Variants in DPP6 observed in about 807,000 individuals in gnomAD.
DPP6 encodes A-type potassium channel modulatory protein DPP6.
In DPP6, 69 loss-of-function variants were observed where a neutral mutation model predicts 122.6. The ratio of observed to expected loss-of-function variants is 0.56; its 90% CI spans 0.46 to 0.69. The LOEUF (loss-of-function observed/expected upper bound fraction) is 0.69. DPP6 is among the 30% of genes least tolerant of loss of function. The pLI, the probability that DPP6 is intolerant of heterozygous loss-of-function variation, is 0.00. For missense variants in DPP6, 928 were observed against 1,116.9 expected (o/e 0.83, Z 2.41); for synonymous variants, 418 against 433.1 (o/e 0.97, Z 0.43).
In DPP6 at chr7:154,061,941, G is replaced by C. The variant is rs868014355; in HGVS notation, c.243+8878G>C. On this transcript the variant is annotated intron_variant, in intron 1 of 25. Transcript: ENST00000377770. ...TCTGAGGACCCCCATCGCAGGAGGG[G>C]GAGGCAACCCTGCGAGGGTGGGGAC... 1.4e-4 allele frequency among the ~76,000 whole-genome samples: 18 copies of C among 132,984 alleles called. 2 individuals carry two copies. The highest frequency in any genetic ancestry group is 2.3e-4 in the Admixed American group (3 of 13,272). 87.2% of individuals were successfully genotyped at this position (132,984 alleles called of 152,430 possible). A position where few individuals can be genotyped will look rare whatever the true frequency, so the allele number is the denominator to read the frequency against.
chr7:154,205,097 C>G (rs1799371085), intron 1 of DPP6, among the ~76,000 whole-genome samples: 1 of 152,020 alleles, frequency 6.6e-6, no homozygotes, highest in South Asian at 2.1e-4. Context: ...CTAAGTGCTT[C>G]TTCCTCCATT....
At chr7:154,633,131 A>G (rs1426422170) in intron 5 of DPP6, among the ~76,000 whole-genome samples, 2 of 152,088 alleles carry the variant, frequency 1.3e-5, no homozygotes, top group African/African-American at 4.8e-5. Flanking sequence ...AAAAAATGGC[A>G]CTCTTAGAAA....
At chr7:154,527,443 G>T (rs1827493341) in intron 3 of DPP6, among the ~76,000 whole-genome samples, 1 of 152,100 alleles carries the variant, frequency 6.6e-6, no homozygotes, top group Non-Finnish European at 1.5e-5. Flanking sequence ...AATATTTTAT[G>T]ACCATAATAT....
intron 1 of DPP6, among the ~76,000 whole-genome samples, chr7:154,254,038 A>C (rs1368334360): frequency 6.6e-6 from 1 of 152,232 alleles, no homozygotes; most frequent in Non-Finnish European, 1.5e-5. Context: ...TGTCTTGATG[A>C]TTCAGTCACC....
At chr7:153,805,977 T>C in the DPP6 span, among the ~76,000 whole-genome samples, 3 of 149,844 alleles carry the variant, frequency 2.0e-5, no homozygotes, top group Non-Finnish European at 4.4e-5. Context: ...GTTGTGCACA[T>C]GTACCCTAGA....
chr7:153,772,886 C>T, the DPP6 span, among the ~76,000 whole-genome samples: 2 of 136,378 alleles, frequency 1.5e-5, no homozygotes, highest in South Asian at 4.6e-4. Flanking sequence ...ATATTAATAT[C>T]ATAGAAAAGA....
intron 1 of DPP6, among the ~76,000 whole-genome samples, chr7:153,892,743 G>T (rs1799260428): frequency 6.6e-6 from 1 of 152,018 alleles, no homozygotes; most frequent in Admixed American, 6.5e-5. Context: ...GTTCTAAATG[G>T]GAGCAGTGTA....
intron 16 of DPP6, among the ~76,000 whole-genome samples, chr7:154,835,734 T>C (rs1489462011): frequency 6.6e-6 from 1 of 152,168 alleles, no homozygotes; most frequent in Admixed American, 6.5e-5. Context: ...GAGCCCAGAG[T>C]GTACAAAATG....
chr7:154,720,764 T>C (rs1317089357), intron 7 of DPP6, among the ~76,000 whole-genome samples: 1 of 152,134 alleles, frequency 6.6e-6, no homozygotes, highest in Non-Finnish European at 1.5e-5. Flanking sequence ...GAAAAAGGGG[T>C]GGGCAGCCCC....
chr7:154,184,076 G>C (rs4490745), intron 1 of DPP6, among the ~76,000 whole-genome samples: 51,678 of 151,938 alleles, frequency 0.34, 10,535 homozygotes, highest in East Asian at 0.56. Flanking sequence ...CACAAACATG[G>C]ATAGGAAGCC....
intron 1 of DPP6, among the ~76,000 whole-genome samples, chr7:154,366,606 T>G (rs1346627160): frequency 6.6e-6 from 1 of 152,030 alleles, no homozygotes; most frequent in Non-Finnish European, 1.5e-5. Context: ...AATCTGAGAG[T>G]TCCCCCCAAG....
At chr7:154,644,272 C>T (rs746988084) in intron 6 of DPP6, among the ~76,000 whole-genome samples, 18 of 152,192 alleles carry the variant, frequency 1.2e-4, no homozygotes, top group Non-Finnish European at 1.8e-4. Context: ...AATGGTGGGT[C>T]GGGAGCTCAG....
At chr7:154,240,062 T>C in intron 1 of DPP6, among the ~76,000 whole-genome samples, 2 of 137,600 alleles carry the variant, frequency 1.5e-5, no homozygotes, top group African/African-American at 2.6e-5. Context: ...TTTCAGCTGC[T>C]CGGAGGTTCA....
intron 16 of DPP6, among the ~76,000 whole-genome samples, chr7:154,828,601 C>T (rs1800375348): frequency 6.6e-6 from 1 of 152,222 alleles, no homozygotes; most frequent in Non-Finnish European, 1.5e-5. Context: ...CAGCGGGCTA[C>T]ATTAAACACC....
At chr7:154,210,836 G>GA (rs34596484) in intron 1 of DPP6, among the ~76,000 whole-genome samples, 54 of 149,958 alleles carry the variant, frequency 3.6e-4, no homozygotes, top group Middle Eastern at 3.5e-3. Flanking sequence ...GTGCAAAAAG[G>GA]AAAAAAAAAG....
the DPP6 span, among the ~76,000 whole-genome samples, chr7:153,753,185 T>C: frequency 6.6e-6 from 1 of 150,828 alleles, no homozygotes; most frequent in Non-Finnish European, 1.5e-5. Context: ...TTTGGTGACT[T>C]GTATGTGACT....
chr7:154,872,490 G>A (rs1804480342), intron 18 of DPP6, 134 bp from the exon 19 acceptor site: 2 of 1,381,078 alleles, frequency 1.4e-6, no homozygotes, highest in African/African-American at 1.4e-5. Flanking sequence ...AAAACCCTGG[G>A]CCAGTCTCTG....
At chr7:154,247,470 T>A (rs1465839521) in intron 1 of DPP6, among the ~76,000 whole-genome samples, 1 of 152,100 alleles carries the variant, frequency 6.6e-6, no homozygotes, top group Non-Finnish European at 1.5e-5. Context: ...AAAGAAGATA[T>A]CTAAATGGTC....
chr7:154,401,095 G>A (rs540650075), intron 1 of DPP6, among the ~76,000 whole-genome samples: 1 of 152,072 alleles, frequency 6.6e-6, no homozygotes, highest in Non-Finnish European at 1.5e-5. Context: ...TACTCGGGAG[G>A]CTGAGGCAGG....
Sources: gnomAD v4.1 joint callset for allele counts (sites outside exome capture counted in the v4.1 genomes callset) on GRCh38, gnomAD v4.1.1 for gene constraint, MANE v1.5 for transcripts, NCBI Gene and HGNC (gene_info 2026-07-23, HGNC 2026-07-21) for gene names.